The following SKA1 variants were observed in gnomAD, a reference collection of about 807,000 sequenced individuals.
The protein encoded by SKA1 is SKA complex subunit 1.
A neutral mutation model predicts 31.8 loss-of-function variants in SKA1; 20 were observed. The ratio of observed to expected loss-of-function variants is 0.63; its 90% CI spans 0.44 to 0.91. The LOEUF is 0.91. SKA1 is among the 40% of genes least tolerant of loss of function. The pLI is 0.00. For missense variants in SKA1, 253 were observed against 298.2 expected, an observed-to-expected ratio of 0.85 and a Z score of 1.12; for synonymous variants, 88 against 100.5, an observed-to-expected ratio of 0.88 and a Z score of 0.74.
At chr18:50,381,449 C>T (rs1236261309) in intron 3 of SKA1, among the ~76,000 whole-genome samples, 1 of 152,160 alleles carries the variant, frequency 6.6e-6, no homozygotes, top group African/African-American at 2.4e-5. Context: ...CACTGGGGAG[C>T]ATTTGGTAAG....
rs148611564 is a variant in SKA1 at position 50,386,429 on chromosome 18, T to C, written c.449+1076T>C. Among the ~76,000 whole-genome samples, 263 of 152,304 alleles carry C rather than the reference T, an allele frequency of 1.7e-3. 6 individuals carry two copies. Among genetic ancestry groups the C allele is most frequent in the African/African-American group, 6.1e-3 (253 of 41,568 alleles). Reference sequence around the variant, plus strand: ...TAATAAAGTATATTTCTTAGAACCTTTGTTAGATTTACAGAAAAATTGAGC... The same window carrying C: ...TAATAAAGTATATTTCTTAGAACCTCTGTTAGATTTACAGAAAAATTGAGC... On this transcript the variant is annotated intron_variant, in intron 5 of 6. Transcript: ENST00000285116.
intron 6 of SKA1, among the ~76,000 whole-genome samples, chr18:50,391,520 C>T (rs1208586912): frequency 6.6e-6 from 1 of 152,180 alleles, no homozygotes; most frequent in East Asian, 1.9e-4. Flanking sequence ...GCTATAACAG[C>T]CGGCAGTGCA....
At chr18:50,387,153 A>G (rs1465135883) in intron 5 of SKA1, among the ~76,000 whole-genome samples, 1 of 152,220 alleles carries the variant, frequency 6.6e-6, no homozygotes, top group African/African-American at 2.4e-5. Context: ...CTCTTGCTCC[A>G]CATACTCTTT....
intron 2 of SKA1, among the ~76,000 whole-genome samples, chr18:50,379,168 T>C (rs2041244761): frequency 6.6e-6 from 1 of 152,240 alleles, no homozygotes; most frequent in African/African-American, 2.4e-5. Context: ...TCTTCTGTGC[T>C]TTTAATCTGC....
In SKA1 at chr18:50,392,119, G is replaced by C; in HGVS notation, c.640G>C (p.Ala214Pro). ...DTKGRYFIVE[A>P]DIKEFTTLKA... ...TTTAGGTCGTTATTTTATAGTGGAA[G>C]CTGACATAAAGGAGTTCACAACTTT... Residue 214 changes from alanine to proline, a missense_variant, in exon 7 of 7, where the codon GCT (alanine) becomes CCT (proline). Physicochemically the swap from Ala to Pro is conservative, Grantham distance 27. Transcript: ENST00000285116. 1 of 1,586,980 alleles carries C rather than the reference G, an allele frequency of 6.3e-7. No homozygotes were observed. Among genetic ancestry groups the C allele is most frequent in the Non-Finnish European group, 8.5e-7 (1 of 1,172,778 alleles).
chr18:50,380,110 T>G lies in SKA1; in HGVS notation c.89-16T>G. On this transcript the variant is annotated splice_polypyrimidine_tract_variant and intron_variant, in intron 2 of 6. Coordinates refer to ENST00000285116, the MANE Select transcript of SKA1 (RefSeq NM_145060.4). ...TCTATACACTTTGTTTTCTATTTTA[T>G]TTTTGTTTATAACAGGCCAGGAACC... is the stretch of plus-strand genomic sequence containing the variant. 1 of 1,493,580 alleles carries G rather than the reference T, an allele frequency of 6.7e-7. No individual in the cohort carries two copies. The highest frequency in any genetic ancestry group is 1.4e-5 in the South Asian group (1 of 74,016). The allele number at this position is 1,493,580 out of a possible 1,614,324, so 92.5% of individuals were successfully genotyped here.
At chr18:50,385,480 A>T in intron 5 of SKA1, 127 bp downstream of exon 5, 2 of 870,500 alleles carry the variant, frequency 2.3e-6, no homozygotes, top group Non-Finnish European at 3.3e-6. Context: ...AAAGTTTCAC[A>T]TTATACTATG....
chr18:50,381,632 C>T (rs2041263032), intron 3 of SKA1, among the ~76,000 whole-genome samples: 1 of 151,954 alleles, frequency 6.6e-6, no homozygotes, highest in Non-Finnish European at 1.5e-5. Context: ...ATATTACCAC[C>T]ATCCAAAAAC....
Position 50,392,414 on chromosome 18 carries a change from G to GGGCTTGCTTTGT in SKA1, c.*167_*168insGGCTTGCTTTGT. 1.2e-5 allele frequency: 5 copies of GGGCTTGCTTTGT among 411,262 alleles called. No individual in the cohort carries two copies. The highest frequency in any genetic ancestry group is 2.0e-5 in the Non-Finnish European group (5 of 254,006). The allele number at this position is 411,262 out of a possible 1,614,324, so 25.5% of individuals were successfully genotyped here. A position where few individuals can be genotyped will look rare whatever the true frequency, so the allele number is the denominator to read the frequency against. On this transcript the variant is annotated 3_prime_UTR_variant, in exon 7 of 7. Coordinates refer to ENST00000285116, the MANE Select transcript of SKA1 (RefSeq NM_145060.4). ...CCCAGGGGCTTGCTTTGTCACGCAG[G>GGGCTTGCTTTGT]CTAGAGTGCAGTGGCGCAAACATGG...
Position 50,393,212 on chromosome 18 carries a change from A to T in SKA1, c.*965A>T, listed in dbSNP as rs1222864017. 10 of 152,288 alleles carry T rather than the reference A, an allele frequency of 6.6e-5. No homozygotes were observed. Among genetic ancestry groups the T allele is most frequent in the Admixed American group, 6.6e-4 (10 of 15,266 alleles). The allele number at this position is 152,288 out of a possible 1,614,324, so 9.4% of individuals were successfully genotyped here. On this transcript the variant is annotated 3_prime_UTR_variant, in exon 7 of 7. Coordinates refer to ENST00000285116, the MANE Select transcript of SKA1 (RefSeq NM_145060.4). Reference sequence around the variant, plus strand: ...TCGGCATGCGCCTGTAGTCCCAGCTACTCAGGAGAATTGCTTGAACCTAGG... The same window carrying T: ...TCGGCATGCGCCTGTAGTCCCAGCTTCTCAGGAGAATTGCTTGAACCTAGG...
chr18:50,377,971 C>T (rs957052), intron 2 of SKA1, among the ~76,000 whole-genome samples: 55,432 of 151,992 alleles, frequency 0.36, 10,705 homozygotes, highest in East Asian at 0.62. Context: ...CTGAGACTCT[C>T]GGAAGTCAGG....
rs114258830 is a variant in SKA1, at chr18:50,383,399, C to T, written c.311+1173C>T. Among the ~76,000 whole-genome samples, 515 of 152,298 alleles carry T rather than the reference C, an allele frequency of 3.4e-3. 4 individuals carry two copies. The highest frequency in any genetic ancestry group is 0.011 in the African/African-American group (458 of 41,548). On this transcript the variant is annotated intron_variant, in intron 4 of 6. Coordinates refer to ENST00000285116, the MANE Select transcript of SKA1 (RefSeq NM_145060.4). ...TTTTTTAAATTATAGATCTCTCCTA[C>T]CTGCTTTACTCATTCTTACCCAACT...
intron 5 of SKA1, among the ~76,000 whole-genome samples, chr18:50,390,419 C>T (rs1013137721): frequency 2.0e-5 from 3 of 152,120 alleles, no homozygotes; most frequent in South Asian, 2.1e-4. Context: ...AATTGAGAGT[C>T]TCCTGTTTTT....
intron 4 of SKA1, among the ~76,000 whole-genome samples, chr18:50,382,940 G>A (rs1175965077): frequency 2.0e-5 from 3 of 152,176 alleles, no homozygotes; most frequent in East Asian, 1.9e-4. Flanking sequence ...GAGCTGAGGC[G>A]GGAGGATTGC....
At chr18:50,390,838 T>C (rs1568331468) in intron 5 of SKA1, among the ~76,000 whole-genome samples, 1 of 152,246 alleles carries the variant, frequency 6.6e-6, no homozygotes, top group Non-Finnish European at 1.5e-5. Context: ...TTGCAGTTAA[T>C]CAGTCCATTT....
At chr18:50,378,989 A>G (rs28462127) in intron 2 of SKA1, among the ~76,000 whole-genome samples, 109,722 of 151,832 alleles carry the variant, frequency 0.72, 39,784 homozygotes, top group East Asian at 0.81. Flanking sequence ...ACCTATCTTC[A>G]CAGTAATGAG....
At chr18:50,387,289 A>C (rs2041317148) in intron 5 of SKA1, among the ~76,000 whole-genome samples, 1 of 152,238 alleles carries the variant, frequency 6.6e-6, no homozygotes, top group African/African-American at 2.4e-5. Context: ...CAAGTACTGC[A>C]GTCCTCTGCT....
At chr18:50,379,400 G>A (rs1034205125) in intron 2 of SKA1, among the ~76,000 whole-genome samples, 4 of 152,136 alleles carry the variant, frequency 2.6e-5, no homozygotes, top group Non-Finnish European at 5.9e-5. Flanking sequence ...AGTGTGGATA[G>A]TGTTAATATG....
chr18:50,393,857 A>C lies in SKA1; in HGVS notation c.*1610A>C, dbSNP rs2041379887. ...ATAACTCAGGATGGGGGCTGCTCAC[A>C]AAGACCACATCATGATTGGAAGTTT... is the stretch of plus-strand genomic sequence containing the variant. On this transcript the variant is annotated 3_prime_UTR_variant, in exon 7 of 7. Transcript: ENST00000285116. 6.6e-6 allele frequency: 1 copy of C among 152,174 alleles called. No homozygotes were observed. The highest frequency in any genetic ancestry group is 6.5e-5 in the Admixed American group (1 of 15,284). The allele number at this position is 152,174 out of a possible 1,614,324, so 9.4% of individuals were successfully genotyped here.
Sources: allele counts gnomAD v4.1 joint callset (sites outside exome capture counted in the v4.1 genomes callset), GRCh38; gene constraint gnomAD v4.1.1; transcripts MANE v1.5; gene names NCBI Gene and HGNC (gene_info 2026-07-23, HGNC 2026-07-21).